The following PDE1A variants were observed in gnomAD, a reference collection of about 807,000 sequenced individuals.
PDE1A encodes the protein dual specificity calcium/calmodulin-dependent 3',5'-cyclic nucleotide phosphodiesterase 1A.
A neutral mutation model predicts 61.7 loss-of-function variants in PDE1A; 35 were observed. The ratio of observed to expected loss-of-function variants is 0.57; its 90% confidence interval spans 0.43 to 0.75. The LOEUF (loss-of-function observed/expected upper bound fraction) is 0.75, where lower values mean the gene tolerates loss of function less well. PDE1A is among the 30% of genes least tolerant of loss of function. PDE1A has a pLI of 0.00. For synonymous variants in PDE1A, 232 were observed against 213.2 expected (o/e 1.09, Z -0.77); for missense variants, 597 against 630.6 (o/e 0.95, Z 0.57).
chr2:182,332,424 A>G (rs1175861741), intron 1 of PDE1A, among the ~76,000 whole-genome samples: 1 of 152,122 alleles, frequency 6.6e-6, no homozygotes, highest in Non-Finnish European at 1.5e-5. Context: ...TTTGGAGGAG[A>G]AGAGAAGTTC....
chr2:182,636,973 G>C, the PDE1A span, among the ~76,000 whole-genome samples: 7 of 152,180 alleles, frequency 4.6e-5, no homozygotes, highest in African/African-American at 1.7e-4. Context: ...AATACCTCTG[G>C]CAATAAAATA....
the PDE1A span, among the ~76,000 whole-genome samples, chr2:182,575,707 G>GTA: frequency 1.2e-4 from 17 of 138,824 alleles, no homozygotes; most frequent in African/African-American, 4.8e-4. Context: ...ATTCCATTAT[G>GTA]TATCTATATA....
At chr2:182,283,667 T>A (rs1693971388) in intron 1 of PDE1A, among the ~76,000 whole-genome samples, 1 of 152,026 alleles carries the variant, frequency 6.6e-6, no homozygotes. Flanking sequence ...AAACAAAAGA[T>A]GTATTCACCC....
exon 15 of PDE1A, chr2:182,141,370 AC>A (rs1477987816): frequency 2.0e-5 from 3 of 152,114 alleles, no homozygotes; most frequent in Non-Finnish European, 4.4e-5. Flanking sequence ...ACAAAAAGTA[AC>A]CATGATGTAC....
intron 1 of PDE1A, among the ~76,000 whole-genome samples, chr2:182,317,538 A>T (rs1465809397): frequency 6.6e-6 from 1 of 152,166 alleles, no homozygotes; most frequent in Non-Finnish European, 1.5e-5. Flanking sequence ...GAGTGCTGCA[A>T]CAAGGAAAAG....
chr2:182,453,240 T>A (rs1445732357), intron 2 of PDE1A, among the ~76,000 whole-genome samples: 1 of 152,024 alleles, frequency 6.6e-6, no homozygotes, highest in African/African-American at 2.4e-5. Flanking sequence ...TTCGGCACTA[T>A]CGTTATTAGT....
chr2:182,304,584 C>A (rs1695458596), intron 1 of PDE1A, among the ~76,000 whole-genome samples: 1 of 152,170 alleles, frequency 6.6e-6, no homozygotes. Context: ...AGACATCTGA[C>A]TTCCTTTTAC....
At chr2:182,588,419 T>G in the PDE1A span, among the ~76,000 whole-genome samples, 1 of 152,202 alleles carries the variant, frequency 6.6e-6, no homozygotes, top group Non-Finnish European at 1.5e-5. Flanking sequence ...TCTGCTACAT[T>G]TTAAATTCTG....
intron 2 of PDE1A, among the ~76,000 whole-genome samples, chr2:182,520,110 T>TATTGC (rs1690473111): frequency 6.6e-6 from 1 of 151,920 alleles, no homozygotes; most frequent in Non-Finnish European, 1.5e-5. Context: ...TTTGAATCAA[T>TATTGC]ATTGCATTTT....
chr2:182,451,646 CA>C (rs1323322699), intron 2 of PDE1A, among the ~76,000 whole-genome samples: 2 of 152,176 alleles, frequency 1.3e-5, no homozygotes, highest in Non-Finnish European at 2.9e-5. Context: ...AAGCCATAAT[CA>C]GGGACCTGAG....
At chr2:182,568,140 T>A in the PDE1A span, among the ~76,000 whole-genome samples, 1 of 152,130 alleles carries the variant, frequency 6.6e-6, no homozygotes, top group African/African-American at 2.4e-5. Flanking sequence ...TTGTATAGCC[T>A]TTTTTGTAGA....
At chr2:182,350,061 A>T (rs891280863) in intron 1 of PDE1A, among the ~76,000 whole-genome samples, 1 of 152,214 alleles carries the variant, frequency 6.6e-6, no homozygotes, top group African/African-American at 2.4e-5. Flanking sequence ...TTCAGTACTT[A>T]TCCTGCCCCC....
intron 1 of PDE1A, among the ~76,000 whole-genome samples, chr2:182,344,019 C>T (rs891377261): frequency 5.3e-5 from 8 of 151,890 alleles, no homozygotes; most frequent in African/African-American, 9.7e-5. Flanking sequence ...TACAGGCACA[C>T]GCCACCATGC....
intron 2 of PDE1A, among the ~76,000 whole-genome samples, chr2:182,484,950 A>G (rs564158345): frequency 9.3e-4 from 141 of 152,232 alleles, no homozygotes; most frequent in African/African-American, 3.2e-3. Flanking sequence ...TGTGAAAGAC[A>G]GTGTGGCGAT....
rs13404757 is a variant in PDE1A, at chr2:182,396,699, G to C, written c.53+29879C>G. ...TGTTATCTTTATGTAATAGCATTTA[G>C]GTTAAGGATTAGTATGCTCCCGGTT... On this transcript the variant is annotated intron_variant, in intron 1 of 13. Transcript: ENST00000351439. Among the ~76,000 whole-genome samples the C allele has an allele frequency of 9.1e-3, 1,381 of 152,204 alleles. 21 individuals are homozygous for C. Among genetic ancestry groups the C allele is most frequent in the African/African-American group, 0.031 (1,292 of 41,526 alleles).
At chr2:182,246,394 CTTTTTTCTTTCTTT>C (rs773152845) in intron 2 of PDE1A, among the ~76,000 whole-genome samples, 1 of 105,366 alleles carries the variant, frequency 9.5e-6, no homozygotes, top group Admixed American at 1.1e-4. Context: ...AGTCTTTTTT[CTTTTTTCTTTCTTT>C]TTTTTTTTTT....
intron 1 of PDE1A, among the ~76,000 whole-genome samples, chr2:182,402,500 C>T (rs984270745): frequency 6.6e-6 from 1 of 152,168 alleles, no homozygotes; most frequent in African/African-American, 2.4e-5. Flanking sequence ...GGACCCCTTC[C>T]TTATACCTTA....
At chr2:182,301,847 C>G (rs570094811) in intron 1 of PDE1A, among the ~76,000 whole-genome samples, 1 of 152,262 alleles carries the variant, frequency 6.6e-6, no homozygotes, top group Non-Finnish European at 1.5e-5. Context: ...GGATGAAAGT[C>G]TTTGTTACCC....
intron 1 of PDE1A, among the ~76,000 whole-genome samples, chr2:182,389,285 G>C (rs1354057644): frequency 2.0e-5 from 3 of 152,068 alleles, no homozygotes; most frequent in Non-Finnish European, 4.4e-5. Flanking sequence ...ACTATCAACA[G>C]AGTGAACAGA....
Sources: gnomAD v4.1 joint callset for allele counts (sites outside exome capture counted in the v4.1 genomes callset) on GRCh38, gnomAD v4.1.1 for gene constraint, MANE v1.5 for transcripts, NCBI Gene and HGNC (gene_info 2026-07-23, HGNC 2026-07-21) for gene names.